COL19A1: variants seen among roughly 807,000 people sequenced by gnomAD.
The protein encoded by COL19A1 is collagen alpha-1(XIX) chain.
In COL19A1, 159 loss-of-function variants were observed where a neutral mutation model predicts 190.2. The observed-to-expected ratio is 0.84, with a 90% CI of 0.73 to 0.95. The LOEUF is 0.95. COL19A1 is among the 40% of genes least tolerant of loss of function. COL19A1 has a pLI of 0.00. For missense variants in COL19A1, 1,418 were observed against 1,431.9 expected, an observed-to-expected ratio of 0.99 and a Z score of 0.16; for synonymous variants, 509 against 458.9, an observed-to-expected ratio of 1.11 and a Z score of -1.39.
intron 48 of COL19A1, 69 bp downstream of exon 48, chr6:70,190,450 C>T: frequency 2.0e-6 from 2 of 1,022,312 alleles, no homozygotes; most frequent in East Asian, 2.5e-5. Context: ...ATGGGGAATC[C>T]CTCCAGCAAC....
At chr6:70,041,192 A>C (rs1453141186) in intron 14 of COL19A1, among the ~76,000 whole-genome samples, 1 of 152,244 alleles carries the variant, frequency 6.6e-6, no homozygotes. Context: ...AGTTGAAAAT[A>C]AAAAATTTAA....
chr6:69,998,174 A>G (rs1777034321), intron 11 of COL19A1, among the ~76,000 whole-genome samples: 2 of 152,222 alleles, frequency 1.3e-5, no homozygotes, highest in South Asian at 2.1e-4. Context: ...GCAACAAAGT[A>G]TAAAATGAAT....
At chr6:70,060,299 C>T (rs1474240739) in intron 14 of COL19A1, among the ~76,000 whole-genome samples, 1 of 152,138 alleles carries the variant, frequency 6.6e-6, no homozygotes, top group Non-Finnish European at 1.5e-5. Context: ...TTCTTCTTTA[C>T]AATATGCCAA....
intron 7 of COL19A1, among the ~76,000 whole-genome samples, chr6:69,935,649 G>A (rs72914570): frequency 6.6e-6 from 1 of 151,902 alleles, no homozygotes; most frequent in Non-Finnish European, 1.5e-5. Context: ...GTATTTCTGG[G>A]TGTTGGTTTT....
intron 35 of COL19A1, 82 bp from the exon 36 acceptor site, chr6:70,163,261 G>GT (rs1787921564): frequency 8.0e-7 from 1 of 1,256,500 alleles, no homozygotes; most frequent in East Asian, 2.5e-5. Context: ...TTCAAAATGT[G>GT]TAAGTTTTAG....
intron 10 of COL19A1, among the ~76,000 whole-genome samples, chr6:69,961,650 T>C (rs1268798745): frequency 1.3e-5 from 2 of 152,308 alleles, no homozygotes; most frequent in East Asian, 1.9e-4. Flanking sequence ...ATATATTCTT[T>C]CCTGGTAACT....
chr6:70,107,471 G>T (rs927616036), intron 16 of COL19A1, among the ~76,000 whole-genome samples: 1 of 152,092 alleles, frequency 6.6e-6, no homozygotes, highest in African/African-American at 2.4e-5. Context: ...GGCTACAAGA[G>T]CCCAATGTCA....
intron 4 of COL19A1, among the ~76,000 whole-genome samples, chr6:69,915,095 C>T (rs966137739): frequency 2.0e-5 from 3 of 152,136 alleles, no homozygotes; most frequent in Admixed American, 1.3e-4. Flanking sequence ...TACACAGAGA[C>T]GTAACCATAT....
intron 11 of COL19A1, among the ~76,000 whole-genome samples, chr6:69,972,893 C>A (rs1243436567): frequency 6.6e-6 from 1 of 152,128 alleles, no homozygotes; most frequent in South Asian, 2.1e-4. Context: ...TAAAGGTTGT[C>A]TACTGGCTCC....
At chr6:69,991,178 G>T (rs1379227641) in intron 11 of COL19A1, among the ~76,000 whole-genome samples, 2 of 152,004 alleles carry the variant, frequency 1.3e-5, no homozygotes, top group East Asian at 3.8e-4. Context: ...ATTCACTTAG[G>T]ATAATGGACT....
In COL19A1 at chr6:69,900,253, G is replaced by A. The variant is rs768155303; in HGVS notation, c.181G>A (p.Asp61Asn). ...KLEVSGFDLG[D>N]SFSLRRAFCE... Reference sequence around the variant, plus strand: ...ACATTTTACAGGTTTTGATCTAGGAGACAGCTTTTCTCTAAGACGTGCATT... The same window carrying A: ...ACATTTTACAGGTTTTGATCTAGGAAACAGCTTTTCTCTAAGACGTGCATT... Residue 61 changes from aspartate (D) to asparagine (N), a missense_variant, in exon 4 of 51, where the codon GAC becomes AAC. Asp to Asn is a conservative substitution (Grantham distance 23). Transcript: ENST00000620364. 6.3e-7 allele frequency: 1 copy of A among 1,587,818 alleles called. No individual in the cohort carries two copies. Among genetic ancestry groups the A allele is most frequent in the Admixed American group, 1.8e-5 (1 of 56,912 alleles).
intron 17 of COL19A1, among the ~76,000 whole-genome samples, chr6:70,123,060 T>G (rs1230164644): frequency 6.6e-6 from 1 of 152,224 alleles, no homozygotes; most frequent in African/African-American, 2.4e-5. Flanking sequence ...CCTACTCATC[T>G]GACAAAGGGC....
At chr6:70,091,974 C>G (rs1288892504) in intron 15 of COL19A1, among the ~76,000 whole-genome samples, 1 of 152,102 alleles carries the variant, frequency 6.6e-6, no homozygotes, top group East Asian at 1.9e-4. Flanking sequence ...GAAAAATACT[C>G]TCGGTTTTGT....
At chr6:70,088,915 C>T (rs9446190) in intron 15 of COL19A1, among the ~76,000 whole-genome samples, 2,337 of 152,168 alleles carry the variant, frequency 0.015, 45 homozygotes, top group South Asian at 0.049. Context: ...TCTGTAACTT[C>T]GATTGTTTCC....
chr6:70,192,144 T>A (rs1005573809), intron 48 of COL19A1, among the ~76,000 whole-genome samples: 1 of 152,154 alleles, frequency 6.6e-6, no homozygotes, highest in Non-Finnish European at 1.5e-5. Flanking sequence ...CACAGCAACC[T>A]CTGCCTCCTG....
At chr6:70,076,856 C>A (rs1161933400) in intron 15 of COL19A1, among the ~76,000 whole-genome samples, 1 of 152,192 alleles carries the variant, frequency 6.6e-6, no homozygotes, top group Non-Finnish European at 1.5e-5. Flanking sequence ...AATACACCTG[C>A]ATCAGGATCT....
chr6:69,979,087 A>G (rs1775890248), intron 11 of COL19A1, among the ~76,000 whole-genome samples: 1 of 151,932 alleles, frequency 6.6e-6, no homozygotes, highest in African/African-American at 2.4e-5. Context: ...GTGATTCAAA[A>G]TCTACCATTG....
rs375755333 is a variant in COL19A1 at position 70,197,388 on chromosome 6, A to G, written c.3095-2220A>G. 3.8e-4 allele frequency among the ~76,000 whole-genome samples: 58 copies of G among 152,118 alleles called. 1 individual carries two copies. The East Asian group carries it at 7.2e-3, about 19-fold the overall frequency. The stretch of plus-strand genomic sequence containing the variant: ...CAGTGAGCTGAGATCACGCCACTGC[A>G]CTCCAGCCTGGGTGACAGAGTGAGA... On this transcript the variant is annotated intron_variant, in intron 48 of 50. Transcript: ENST00000620364.
At chr6:70,090,911 C>T (rs1435713399) in intron 15 of COL19A1, among the ~76,000 whole-genome samples, 1 of 152,112 alleles carries the variant, frequency 6.6e-6, no homozygotes, top group Non-Finnish European at 1.5e-5. Context: ...TTTGTTCTTG[C>T]TGTTCCCTCT....
Sources: allele counts gnomAD v4.1 joint callset (sites outside exome capture counted in the v4.1 genomes callset), GRCh38; gene constraint gnomAD v4.1.1; transcripts MANE v1.5; gene names NCBI Gene and HGNC (gene_info 2026-07-23, HGNC 2026-07-21).